Variants in SULF2 observed in about 807,000 individuals in gnomAD.
SULF2 encodes the protein extracellular sulfatase Sulf-2.
A neutral mutation model predicts 107.7 loss-of-function variants in SULF2; 52 were observed. The ratio of observed to expected loss-of-function variants is 0.48; its 90% CI spans 0.39 to 0.61. The LOEUF is 0.61. Ranked by LOEUF, SULF2 falls within the 20% of genes least tolerant of loss-of-function variation. The pLI is 0.00. For missense variants in SULF2, 993 were observed against 1,177.3 expected, an observed-to-expected ratio of 0.84 and a Z score of 2.29; for synonymous variants, 460 against 464.3, an observed-to-expected ratio of 0.99 and a Z score of 0.12.
At chr20:47,761,600 G>A (rs2090420806) in intron 1 of SULF2, among the ~76,000 whole-genome samples, 1 of 152,202 alleles carries the variant, frequency 6.6e-6, no homozygotes, top group Non-Finnish European at 1.5e-5. Flanking sequence ...CCCAGGCTTC[G>A]CGTGCCCTCG....
chr20:47,676,930 G>A, intron 9 of SULF2, 148 bp downstream of exon 9: 7 of 829,028 alleles, frequency 8.4e-6, no homozygotes, highest in Non-Finnish European at 1.4e-5. Flanking sequence ...TATAGGAGCA[G>A]TGAATGGGCT....
At chr20:47,738,147 C>T (rs1039631055) in intron 2 of SULF2, among the ~76,000 whole-genome samples, 1 of 152,212 alleles carries the variant, frequency 6.6e-6, no homozygotes, top group Non-Finnish European at 1.5e-5. Flanking sequence ...GGGAGCCCTA[C>T]TGCGTGCAGG....
chr20:47,698,072 G>A (rs2146577190), intron 4 of SULF2, among the ~76,000 whole-genome samples: 1 of 152,360 alleles, frequency 6.6e-6, no homozygotes, highest in Non-Finnish European at 1.5e-5. Flanking sequence ...GGCAGGCCGG[G>A]GGCGGCTTCT....
intron 4 of SULF2, among the ~76,000 whole-genome samples, chr20:47,702,168 C>A (rs370093080): frequency 6.6e-6 from 1 of 152,168 alleles, no homozygotes; most frequent in South Asian, 2.1e-4. Context: ...AGCAATCCTC[C>A]CATTTCAGCC....
chr20:47,750,571 T>A (rs2090138031), intron 2 of SULF2, among the ~76,000 whole-genome samples: 1 of 152,198 alleles, frequency 6.6e-6, no homozygotes, highest in African/African-American at 2.4e-5. Flanking sequence ...CTGCTCTCAT[T>A]ACACCTATTC....
At chr20:47,724,125 G>A (rs1249127880) in intron 3 of SULF2, among the ~76,000 whole-genome samples, 1 of 152,218 alleles carries the variant, frequency 6.6e-6, no homozygotes, top group East Asian at 1.9e-4. Context: ...GCCAAACAAG[G>A]TCTTGGCAGC....
At chr20:47,750,225 G>A (rs901977173) in intron 2 of SULF2, among the ~76,000 whole-genome samples, 4 of 152,090 alleles carry the variant, frequency 2.6e-5, no homozygotes, top group South Asian at 2.1e-4. Flanking sequence ...CTTGATCCGC[G>A]TGCCTTGGCC....
chr20:47,661,840 C>T lies in SULF2; in HGVS notation c.2427G>A (p.Gln809=), dbSNP rs1332576874. 5.0e-6 allele frequency: 8 copies of T among 1,595,526 alleles called. No homozygotes were observed. The Admixed American group carries it at 1.0e-4, about 20-fold the overall frequency. Residue 809 remains glutamine (Q), a synonymous_variant, in exon 18 of 21, where the codon CAG becomes CAA. Transcript: ENST00000688720. The stretch of plus-strand genomic sequence containing the variant: ...CCTTGCAGCTCCTCAGCTCCATGAG[C>T]TGTACGTGTAGCTGGTTGAGGACAT... ...DRDVLNQLHV[Q]LMELRSCKGY...
At chr20:47,730,264 T>C (rs2089559320) in intron 3 of SULF2, among the ~76,000 whole-genome samples, 1 of 152,062 alleles carries the variant, frequency 6.6e-6, no homozygotes, top group African/African-American at 2.4e-5. Flanking sequence ...TAGAACATGA[T>C]GCAGAAGGGC....
chr20:47,771,985 G>T (rs1394727238), intron 1 of SULF2, among the ~76,000 whole-genome samples: 1 of 152,246 alleles, frequency 6.6e-6, no homozygotes, highest in Non-Finnish European at 1.5e-5. Flanking sequence ...GAGGCAAATG[G>T]TACAGCCTGA....
intron 1 of SULF2, among the ~76,000 whole-genome samples, chr20:47,770,414 G>A (rs1455729920): frequency 6.6e-6 from 1 of 152,102 alleles, no homozygotes; most frequent in Non-Finnish European, 1.5e-5. Context: ...ACAGACTGCA[G>A]GGCATGAGGG....
chr20:47,663,200 CAGAA>C lies in SULF2; in HGVS notation c.2236_2239del (p.Phe746ValfsTer14). On this transcript the variant is annotated frameshift_variant, in exon 17 of 21. Coordinates refer to ENST00000688720, the MANE Select transcript of SULF2 (RefSeq NM_001387048.1). LOFTEE classifies it high-confidence loss of function. The stretch of plus-strand genomic sequence containing the variant: ...GTTATTGTTGGCGCTGGTGCAGGCA[CAGAA>C]AGGCCCCACTGCCAAGGAAGAGAGA... The C allele has an allele frequency of 6.2e-7, 1 of 1,614,144 alleles. No individual in the cohort carries two copies.
intron 3 of SULF2, among the ~76,000 whole-genome samples, chr20:47,727,863 G>A (rs1568866811): frequency 6.6e-6 from 1 of 152,242 alleles, no homozygotes; most frequent in Non-Finnish European, 1.5e-5. Context: ...CAAAACAAGT[G>A]CTTCACTTAT....
Position 47,745,399 on chromosome 20 carries a change from A to T in SULF2, c.176-8457T>A, listed in dbSNP as rs796228865. On this transcript the variant is annotated intron_variant, in intron 2 of 20. Coordinates refer to ENST00000688720, the MANE Select transcript of SULF2 (RefSeq NM_001387048.1). ...TTTTGAGGGAAAAAAAAAAAAAAAA[A>T]AAAAAAAAAAAATATATATATATAT... Among the ~76,000 whole-genome samples the T allele has an allele frequency of 3.1e-3, 87 of 27,718 alleles. 3 individuals carry two copies. The highest frequency in any genetic ancestry group is 0.02 in the African/African-American group (83 of 4,226). 18.2% of individuals were successfully genotyped at this position (27,718 alleles called of 152,430 possible).
chr20:47,666,102 A>T lies in SULF2; in HGVS notation c.1806-149T>A. 2 of 1,610,820 alleles carry T rather than the reference A, an allele frequency of 1.2e-6. No homozygotes were observed. On this transcript the variant is annotated intron_variant, in intron 12 of 20. Coordinates refer to ENST00000688720, the MANE Select transcript of SULF2 (RefSeq NM_001387048.1). The surrounding 1 kb of genome is among the most constrained non-coding windows in gnomAD (Gnocchi z 5.4). ...TGGACACTCACCGATGTGTCACTTT[A>T]ATGGGGTTGGCGGCTGAATAGTCGG...
At chr20:47,754,981 G>A (rs773332723) in intron 2 of SULF2, among the ~76,000 whole-genome samples, 1 of 151,830 alleles carries the variant, frequency 6.6e-6, no homozygotes, top group Non-Finnish European at 1.5e-5. Flanking sequence ...CTACAGGTGT[G>A]TGCCACCATC....
intron 2 of SULF2, among the ~76,000 whole-genome samples, chr20:47,753,421 T>C (rs149331078): frequency 2.6e-3 from 399 of 152,370 alleles, no homozygotes; most frequent in African/African-American, 9.1e-3. Context: ...AAGAAAGTCT[T>C]GGCAGGTGCT....
At chr20:47,764,547 A>T (rs184693391) in intron 1 of SULF2, among the ~76,000 whole-genome samples, 1 of 152,316 alleles carries the variant, frequency 6.6e-6, no homozygotes, top group African/African-American at 2.4e-5. Flanking sequence ...CCTGGGGCAG[A>T]CATGTGACCC....
intron 14 of SULF2, 106 bp from the exon 15 acceptor site, chr20:47,664,295 C>T (rs2087191125): frequency 8.9e-7 from 1 of 1,129,876 alleles, no homozygotes; most frequent in South Asian, 1.3e-5. Context: ...TGCTGCCCCA[C>T]CCCTGTCCCT....
Sources: gnomAD v4.1 joint callset for allele counts (sites outside exome capture counted in the v4.1 genomes callset) on GRCh38, gnomAD v4.1.1 for gene constraint, Gnocchi (gnomAD v3.1) non-coding constraint, MANE v1.5 for transcripts, NCBI Gene and HGNC (gene_info 2026-07-23, HGNC 2026-07-21) for gene names.